Variants in MAP3K10 observed in about 807,000 individuals in gnomAD.
The protein encoded by MAP3K10 is mitogen-activated protein kinase kinase kinase 10.
A neutral mutation model predicts 75.0 loss-of-function variants in MAP3K10; 22 were observed. The ratio of observed to expected loss-of-function variants is 0.29; its 90% CI spans 0.21 to 0.42. The LOEUF (loss-of-function observed/expected upper bound fraction) is 0.42. Ranked by LOEUF, MAP3K10 falls within the 10% of genes least tolerant of loss-of-function variation. MAP3K10 has a pLI of 1.00. For missense variants in MAP3K10, 1,165 were observed against 1,379.8 expected, an observed-to-expected ratio of 0.84 and a Z score of 2.47; for synonymous variants, 599 against 612.9, an observed-to-expected ratio of 0.98 and a Z score of 0.34.
At chr19:40,196,201 T>C (rs747762405) in intron 1 of MAP3K10, among the ~76,000 whole-genome samples, 1 of 152,120 alleles carries the variant, frequency 6.6e-6, no homozygotes, top group Non-Finnish European at 1.5e-5. Flanking sequence ...ACTGTATACT[T>C]TGGAGCCTCT....
At position 40,204,984 on chromosome 19, in the gene MAP3K10, C is replaced by A. The variant is rs1025860591; in HGVS notation, c.1013-137C>A. On this transcript the variant is annotated intron_variant, in intron 3 of 9. Coordinates refer to ENST00000253055, the MANE Select transcript of MAP3K10 (RefSeq NM_002446.4). This position sits in a 1 kb window ranked among gnomAD's most constrained non-coding sequence, Gnocchi z 4.3. ...ATTGGCCAGGAGCTTGGCTTTGAATCCCTTCCCCTCAGCTCCATAGCAGCT... is the reference window on the plus strand; with the variant it reads ...ATTGGCCAGGAGCTTGGCTTTGAATACCTTCCCCTCAGCTCCATAGCAGCT... The A allele has an allele frequency of 5.7e-5, 47 of 817,802 alleles. No individual in the cohort carries two copies. Among genetic ancestry groups the A allele is most frequent in the Non-Finnish European group, 8.1e-5 (40 of 494,690 alleles). The allele number at this position is 817,802 out of a possible 1,614,324, so 50.7% of individuals were successfully genotyped here.
intron 6 of MAP3K10, among the ~76,000 whole-genome samples, chr19:40,210,689 A>G (rs1333504394): frequency 6.6e-6 from 1 of 151,898 alleles, no homozygotes; most frequent in East Asian, 1.9e-4. Flanking sequence ...CGACAGAGTG[A>G]GACTCAGTCT....
chr19:40,196,085 G>A (rs375267579), intron 1 of MAP3K10, among the ~76,000 whole-genome samples: 3 of 151,808 alleles, frequency 2.0e-5, no homozygotes, highest in Admixed American at 6.6e-5. Context: ...ATTCTGTTAC[G>A]AGCCCCATTT....
intron 6 of MAP3K10, among the ~76,000 whole-genome samples, chr19:40,211,065 A>C (rs183821357): frequency 6.6e-6 from 1 of 152,180 alleles, no homozygotes. Context: ...TGGAAGCCCT[A>C]TGGGAGGAGG....
intron 6 of MAP3K10, 112 bp downstream of exon 6, chr19:40,209,331 A>G: frequency 1.4e-6 from 1 of 711,326 alleles, no homozygotes; most frequent in South Asian, 1.8e-5. Flanking sequence ...GAAGACAGAC[A>G]AGGCCCTTTT....
chr19:40,212,856 G>A lies in MAP3K10; in HGVS notation c.1604G>A (p.Ser535Asn). 7 of 1,608,968 alleles carry A rather than the reference G, an allele frequency of 4.4e-6. No homozygotes were observed. The highest frequency in any genetic ancestry group is 5.9e-6 in the Non-Finnish European group (7 of 1,178,248). ...AGCAGTGGCAGCAGCAGTGGAGGAA[G>A]TGGGACATGGAGCCGCGGTGGGCCC... ...GSSSGSSSGG[S>N]GTWSRGGPPK... The change falls in exon 7 of 10, where the codon AGT (serine) becomes AAT (asparagine). Residue 535 changes from serine to asparagine, a missense_variant. Physicochemically the swap from Ser to Asn is conservative, Grantham distance 46 (BLOSUM62 1). Around this residue, in one of 2 missense-constraint regions of MAP3K10, gnomAD observed 575 missense variants for 793.2 expected, o/e 0.72. Coordinates refer to ENST00000253055, the MANE Select transcript of MAP3K10 (RefSeq NM_002446.4). This position sits in a 1 kb window ranked among gnomAD's most constrained non-coding sequence, Gnocchi z 4.2.
At chr19:40,211,438 C>T (rs1158283378) in intron 6 of MAP3K10, among the ~76,000 whole-genome samples, 6 of 149,840 alleles carry the variant, frequency 4.0e-5, no homozygotes, top group Admixed American at 6.7e-5. Flanking sequence ...CATAGGTAAA[C>T]GTGTGCCATG....
Position 40,212,789 on chromosome 19 carries a change from G to T in MAP3K10, c.1553-16G>T. The T allele has an allele frequency of 6.3e-7, 1 of 1,575,980 alleles. No homozygotes were observed. The highest frequency in any genetic ancestry group is 8.6e-7 in the Non-Finnish European group (1 of 1,162,004). On this transcript the variant is annotated splice_polypyrimidine_tract_variant and intron_variant, in intron 6 of 9. Transcript: ENST00000253055. This position sits in a 1 kb window ranked among gnomAD's most constrained non-coding sequence, Gnocchi z 4.2. ...AGATCCTCCACCCAGTAACCAAGTG[G>T]CTTCTCTGGACCCAGTGACTCCCGT...
chr19:40,201,956 T>G (rs1004393663), intron 2 of MAP3K10, among the ~76,000 whole-genome samples: 1 of 151,792 alleles, frequency 6.6e-6, no homozygotes, highest in Non-Finnish European at 1.5e-5. Context: ...CCTAATGCTC[T>G]CCCTCCCCTT....
At chr19:40,208,943 G>C (rs975000038) in intron 5 of MAP3K10, among the ~76,000 whole-genome samples, 160 bp from the exon 6 acceptor site, 14 of 152,162 alleles carry the variant, frequency 9.2e-5, no homozygotes, top group African/African-American at 3.4e-4. Flanking sequence ...TGATGGTGAT[G>C]CTGCTGTTCT....
intron 2 of MAP3K10, among the ~76,000 whole-genome samples, chr19:40,203,492 C>T (rs369528935): frequency 2.0e-5 from 3 of 152,190 alleles, no homozygotes; most frequent in Non-Finnish European, 4.4e-5. Flanking sequence ...AGCACAGTGA[C>T]GCACGCTCTG....
At chr19:40,202,483 T>TGCAA (rs1485750122) in intron 2 of MAP3K10, among the ~76,000 whole-genome samples, 1 of 152,184 alleles carries the variant, frequency 6.6e-6, no homozygotes, top group Non-Finnish European at 1.5e-5. Flanking sequence ...AGGCTGCCCT[T>TGCAA]GGCATGACTA....
Position 40,207,283 on chromosome 19 carries a change from G to A in MAP3K10, c.1435+1126G>A, listed in dbSNP as rs1020004486. On this transcript the variant is annotated intron_variant, in intron 5 of 9. Transcript: ENST00000253055. Reference sequence around the variant, plus strand: ...GGTAATGCATTCAGGAGGGAGGCACGTAGTGTCTACTTGTCTCTTTCTGTG... The same window carrying A: ...GGTAATGCATTCAGGAGGGAGGCACATAGTGTCTACTTGTCTCTTTCTGTG... Among the ~76,000 whole-genome samples the A allele has an allele frequency of 7.2e-5, 11 of 151,828 alleles. 1 individual carries two copies. Among genetic ancestry groups the A allele is most frequent in the South Asian group, 4.1e-4 (2 of 4,822 alleles).
intron 2 of MAP3K10, among the ~76,000 whole-genome samples, chr19:40,203,614 A>C (rs1293590103): frequency 6.6e-6 from 1 of 152,230 alleles, no homozygotes; most frequent in East Asian, 1.9e-4. Context: ...TACCTCTCTG[A>C]GCGTGTACCT....
At chr19:40,202,303 G>C (rs1014640758) in intron 2 of MAP3K10, among the ~76,000 whole-genome samples, 21 of 152,206 alleles carry the variant, frequency 1.4e-4, no homozygotes, top group Admixed American at 1.2e-3. Context: ...GCCTCCCAAA[G>C]TGCTGGGATT....
rs747679264 is a variant in MAP3K10 at position 40,198,346 on chromosome 19, G to A, written c.683-29G>A. 4 of 1,594,462 alleles carry A rather than the reference G, an allele frequency of 2.5e-6. No homozygotes were observed. The Admixed American group carries it at 6.8e-5, about 27-fold the overall frequency. On this transcript the variant is annotated intron_variant, in intron 1 of 9. Coordinates refer to ENST00000253055, the MANE Select transcript of MAP3K10 (RefSeq NM_002446.4). This position sits in a 1 kb window ranked among gnomAD's most constrained non-coding sequence, Gnocchi z 4.3. Reference sequence around the variant, plus strand: ...TGGGTCTGCGGCGTGGCAGGTCTGGGGTGACCCACCTTTCTTCCCACCCCA... The same window carrying A: ...TGGGTCTGCGGCGTGGCAGGTCTGGAGTGACCCACCTTTCTTCCCACCCCA...
chr19:40,206,360 G>C, intron 5 of MAP3K10: 2 of 502,168 alleles, frequency 4.0e-6, no homozygotes, highest in Non-Finnish European at 6.6e-6. Context: ...CTTGAGGCCA[G>C]AAGTTTGAGA....
At chr19:40,214,639 TC>T (rs1433013332) in intron 9 of MAP3K10, among the ~76,000 whole-genome samples, 1 of 152,240 alleles carries the variant, frequency 6.6e-6, no homozygotes, top group South Asian at 2.1e-4. Context: ...ACCATTTTTA[TC>T]CCCCTTCAGA....
intron 6 of MAP3K10, among the ~76,000 whole-genome samples, chr19:40,210,841 T>C (rs1973225932): frequency 6.6e-6 from 1 of 152,010 alleles, no homozygotes; most frequent in Non-Finnish European, 1.5e-5. Flanking sequence ...AAGAGCTAAC[T>C]CTCTTTTTGT....
Sources: gnomAD v4.1 joint callset for allele counts (sites outside exome capture counted in the v4.1 genomes callset) on GRCh38, gnomAD v4.1.1 for gene constraint, gnomAD v4.1.1 regional missense constraint, Gnocchi (gnomAD v3.1) non-coding constraint, MANE v1.5 for transcripts, NCBI Gene and HGNC (gene_info 2026-07-23, HGNC 2026-07-21) for gene names.